MEIOB: variants seen among roughly 807,000 people sequenced by gnomAD.
MEIOB encodes meiosis-specific with OB domain-containing protein.
MEIOB carries 50 observed loss-of-function variants against 53.1 expected under a neutral mutation model. That is an observed-to-expected ratio of 0.94 (90% CI 0.75 to 1.19). The LOEUF is 1.19. Among genes scored for constraint, MEIOB ranks in the 50% most tolerant of loss-of-function variants. The pLI, the probability that MEIOB is intolerant of heterozygous loss-of-function variation, is 0.00. For missense variants in MEIOB, 551 were observed against 550.8 expected, an observed-to-expected ratio of 1.00 and a Z score of 0.00; for synonymous variants, 192 against 182.5, an observed-to-expected ratio of 1.05 and a Z score of -0.42.
intron 4 of MEIOB, among the ~76,000 whole-genome samples, chr16:1,861,630 C>A (rs1899446393): frequency 6.7e-6 from 1 of 150,200 alleles, no homozygotes; most frequent in African/African-American, 2.5e-5. Context: ...GCAACCTCCA[C>A]CTCCAGGGCT....
chr16:1,868,130 G>T lies in MEIOB; in HGVS notation c.46C>A (p.Leu16Met), dbSNP rs1456055192. The T allele has an allele frequency of 2.0e-5, 31 of 1,533,100 alleles. No individual in the cohort carries two copies. The highest frequency in any genetic ancestry group is 2.7e-5 in the Non-Finnish European group (31 of 1,133,670). 95.0% of individuals were successfully genotyped at this position (1,533,100 alleles called of 1,614,324 possible). A position where few individuals can be genotyped will look rare whatever the true frequency, so the allele number is the denominator to read the frequency against. ...ACCAGATTAGCCATATTTGTCTGCA[G>T]ATCTGAAAGGGTAGTGAAAATCCTC... ...AARIFTTLSD[L>M]QTNMANLKVI... is the part of the protein sequence containing the mutation. Residue 16 changes from leucine (L) to methionine (M), a missense_variant, in exon 2 of 14, where the codon CTG (leucine) becomes ATG (methionine). Transcript: ENST00000325962.
At chr16:1,843,259 C>G (rs994889774) in intron 10 of MEIOB, among the ~76,000 whole-genome samples, 3 of 151,110 alleles carry the variant, frequency 2.0e-5, no homozygotes, top group African/African-American at 7.3e-5. Flanking sequence ...CGCCACTGCA[C>G]TCCAACCCGG....
chr16:1,845,944 G>T (rs963687614), intron 9 of MEIOB, among the ~76,000 whole-genome samples: 1 of 152,016 alleles, frequency 6.6e-6, no homozygotes, highest in African/African-American at 2.4e-5. Flanking sequence ...GGGAAGATCT[G>T]GGCATTTCTT....
chr16:1,848,735 T>C (rs143906712), intron 9 of MEIOB, among the ~76,000 whole-genome samples: 1 of 151,900 alleles, frequency 6.6e-6, no homozygotes, highest in African/African-American at 2.4e-5. Context: ...GTAGAGATGA[T>C]ATTTCACCAT....
chr16:1,871,508 C>T (rs1303053073), intron 1 of MEIOB, among the ~76,000 whole-genome samples: 1 of 140,900 alleles, frequency 7.1e-6, no homozygotes, highest in African/African-American at 2.6e-5. Flanking sequence ...CTTGAGCCAC[C>T]GCGCCCGGCC....
chr16:1,857,943 A>C lies in MEIOB; in HGVS notation c.333-13T>G, dbSNP rs1322303199. 2.0e-6 allele frequency: 3 copies of C among 1,492,944 alleles called. No homozygotes were observed. Among genetic ancestry groups the C allele is most frequent in the Admixed American group, 4.6e-5 (2 of 43,582 alleles). 92.5% of individuals were successfully genotyped at this position (1,492,944 alleles called of 1,614,324 possible). A position where few individuals can be genotyped will look rare whatever the true frequency, so the allele number is the denominator to read the frequency against. On this transcript the variant is annotated splice_polypyrimidine_tract_variant and intron_variant, in intron 5 of 13. Coordinates refer to ENST00000325962, the MANE Select transcript of MEIOB (RefSeq NM_001163560.3). ...CAGTTTACAGTTGCTAAATTGCAAA[A>C]ACACAAGAAAGTTATTTGAAAGTGA... is the stretch of plus-strand genomic sequence containing the variant.
At chr16:1,836,232 C>T (rs9652776) in intron 13 of MEIOB, among the ~76,000 whole-genome samples, 27,048 of 152,034 alleles carry the variant, frequency 0.18, 2,567 homozygotes, top group South Asian at 0.27. Context: ...TTGTAAAATA[C>T]TGTGTTACCT....
intron 2 of MEIOB, among the ~76,000 whole-genome samples, chr16:1,867,735 G>A (rs1193124559): frequency 1.3e-5 from 2 of 151,958 alleles, no homozygotes; most frequent in African/African-American, 4.8e-5. Context: ...GCCTCCCAAA[G>A]TGCTGGGATT....
chr16:1,837,838 C>T lies in MEIOB; in HGVS notation c.1251G>A (p.Gln417=). 2 of 1,535,304 alleles carry T rather than the reference C, an allele frequency of 1.3e-6. No individual in the cohort carries two copies. The highest frequency in any genetic ancestry group is 1.8e-6 in the Non-Finnish European group (2 of 1,139,860). ...GAAATTGCCACTTTAATGCTGTTTT[C>T]TGTTCATCTGTCATTGCAAGAAACT... ...VHEFLAMTDE[Q]KTALKWQFLL... is the part of the protein sequence containing the mutation. The change falls in exon 13 of 14, where the codon CAG becomes CAA. Residue 417 remains glutamine (Q), a synonymous_variant. Transcript: ENST00000325962.
At chr16:1,838,350 A>G (rs2142075364) in intron 12 of MEIOB, among the ~76,000 whole-genome samples, 1 of 152,304 alleles carries the variant, frequency 6.6e-6, no homozygotes, top group Middle Eastern at 3.4e-3. Flanking sequence ...TATATAAGCA[A>G]AATCTCCAAA....
chr16:1,866,492 G>A (rs180815208), intron 2 of MEIOB, among the ~76,000 whole-genome samples: 26 of 152,134 alleles, frequency 1.7e-4, no homozygotes, highest in African/African-American at 5.1e-4. Context: ...AGGCTGAGGC[G>A]GGTGGGTCAC....
At chr16:1,836,309 A>G (rs146141782) in intron 13 of MEIOB, among the ~76,000 whole-genome samples, 92 of 152,344 alleles carry the variant, frequency 6.0e-4, no homozygotes, top group African/African-American at 1.8e-3. Context: ...TCTGTTACAC[A>G]CATTCTCTGG....
In MEIOB at chr16:1,834,143, G is replaced by T; in HGVS notation, c.*113C>A. ...CCACCATAACAATTTCTAGAAACAT[G>T]TTCACCACATGTAAACAAAATGCAA... On this transcript the variant is annotated 3_prime_UTR_variant, in exon 14 of 14. Coordinates refer to ENST00000325962, the MANE Select transcript of MEIOB (RefSeq NM_001163560.3). 2 of 636,848 alleles carry T rather than the reference G, an allele frequency of 3.1e-6. No homozygotes were observed. The highest frequency in any genetic ancestry group is 5.5e-6 in the Non-Finnish European group (2 of 361,454). 39.4% of individuals were successfully genotyped at this position (636,848 alleles called of 1,614,324 possible).
At chr16:1,860,504 T>C in intron 4 of MEIOB, 29 bp from the exon 5 acceptor site, 1 of 1,288,688 alleles carries the variant, frequency 7.8e-7, no homozygotes, top group South Asian at 1.3e-5. Flanking sequence ...TATGATGATA[T>C]TACAAAACAG....
chr16:1,864,445 C>A (rs1411556159), intron 3 of MEIOB, among the ~76,000 whole-genome samples: 3 of 151,828 alleles, frequency 2.0e-5, no homozygotes, highest in Non-Finnish European at 4.4e-5. Flanking sequence ...CTCCTTCCCT[C>A]ACAGTCTGAT....
intron 9 of MEIOB, among the ~76,000 whole-genome samples, chr16:1,849,426 G>A (rs4786696): frequency 0.82 from 124,953 of 151,534 alleles, 51,662 homozygotes; most frequent in Middle Eastern, 0.9. Context: ...GGCACCTGTC[G>A]TCCCAGCTAC....
At chr16:1,847,016 A>T (rs538758361) in intron 9 of MEIOB, among the ~76,000 whole-genome samples, 18 of 151,736 alleles carry the variant, frequency 1.2e-4, no homozygotes, top group African/African-American at 4.4e-4. Flanking sequence ...TTAGCCAGGC[A>T]TGGTGGCACA....
At chr16:1,836,703 G>C (rs1898757924) in intron 13 of MEIOB, among the ~76,000 whole-genome samples, 1 of 147,726 alleles carries the variant, frequency 6.8e-6, no homozygotes, top group Middle Eastern at 3.3e-3. Context: ...AGATGGAGGA[G>C]ATGCAGCATT....
intron 1 of MEIOB, among the ~76,000 whole-genome samples, chr16:1,869,094 T>C (rs1369600723): frequency 6.6e-6 from 1 of 152,094 alleles, no homozygotes; most frequent in Non-Finnish European, 1.5e-5. Context: ...CATGTAAATT[T>C]AGTTTTATTT....
Sources: allele counts gnomAD v4.1 joint callset (sites outside exome capture counted in the v4.1 genomes callset), GRCh38; gene constraint gnomAD v4.1.1; transcripts MANE v1.5; gene names NCBI Gene and HGNC (gene_info 2026-07-23, HGNC 2026-07-21).